Variants in TENM4 observed in about 807,000 individuals in gnomAD.
TENM4 encodes teneurin transmembrane protein 4, also known as teneurin-4.
In TENM4, 82 loss-of-function variants were observed where a neutral mutation model predicts 243.3. That is an observed-to-expected ratio of 0.34 (90% CI 0.28 to 0.40). The LOEUF is 0.40. Among genes scored for constraint, TENM4 ranks in the 10% least tolerant of loss-of-function variants. TENM4 has a pLI of 1.00. For synonymous variants in TENM4, 1,412 were observed against 1,456.3 expected, an observed-to-expected ratio of 0.97 and a Z score of 0.69; for missense variants, 3,138 against 3,673.3, an observed-to-expected ratio of 0.85 and a Z score of 3.77.
chr11:78,769,329 TA>T (rs1194349109), intron 18 of TENM4, among the ~76,000 whole-genome samples: 1 of 152,200 alleles, frequency 6.6e-6, no homozygotes, highest in East Asian at 1.9e-4. Context: ...GCTTGGCCCA[TA>T]ATGATGTCTC....
intron 1 of TENM4, among the ~76,000 whole-genome samples, chr11:79,409,091 TGTGTGTGTGTGCGC>T (rs745575737): frequency 1.4e-3 from 169 of 117,042 alleles, no homozygotes; most frequent in South Asian, 3.6e-3. Context: ...TGTGTGTGTG[TGTGTGTGTGTGCGC>T]GCGCGCGCGT....
intron 2 of TENM4, among the ~76,000 whole-genome samples, chr11:79,291,750 C>A (rs1590856360): frequency 6.6e-6 from 1 of 152,176 alleles, no homozygotes; most frequent in East Asian, 1.9e-4. Flanking sequence ...CTGGTTCCAC[C>A]CAAAGACAAG....
chr11:78,830,759 A>C (rs1857962856), intron 12 of TENM4, among the ~76,000 whole-genome samples: 1 of 152,194 alleles, frequency 6.6e-6, no homozygotes, highest in South Asian at 2.1e-4. Context: ...AGCCGCCAGG[A>C]CAGTAAATTA....
At chr11:78,864,928 G>C (rs907715641) in intron 9 of TENM4, among the ~76,000 whole-genome samples, 1 of 152,140 alleles carries the variant, frequency 6.6e-6, no homozygotes, top group South Asian at 2.1e-4. Context: ...CCTAGAGGAG[G>C]GGGTGCCTGA....
chr11:78,944,429 CCTTA>C (rs373265615), intron 6 of TENM4, among the ~76,000 whole-genome samples: 51 of 152,322 alleles, frequency 3.3e-4, no homozygotes, highest in Middle Eastern at 6.8e-3. Context: ...GAAGGAGCTG[CCTTA>C]CTTTGAAACA....
intron 1 of TENM4, among the ~76,000 whole-genome samples, chr11:79,301,168 TTA>T (rs1428884391): frequency 6.6e-6 from 1 of 152,206 alleles, no homozygotes; most frequent in Non-Finnish European, 1.5e-5. Context: ...GCAAATTGGG[TTA>T]TCTTTTCTGC....
chr11:78,997,432 A>G (rs1858203281), intron 6 of TENM4, among the ~76,000 whole-genome samples: 1 of 152,222 alleles, frequency 6.6e-6, no homozygotes. Context: ...CCATTCAACA[A>G]AGAAAGTTGG....
chr11:79,032,492 C>T (rs1480384100), intron 6 of TENM4, among the ~76,000 whole-genome samples: 2 of 152,134 alleles, frequency 1.3e-5, no homozygotes, highest in African/African-American at 4.8e-5. Context: ...TGAGAAAGAG[C>T]CTCTGGTGAT....
intron 2 of TENM4, among the ~76,000 whole-genome samples, chr11:79,263,443 G>A (rs553814980): frequency 1.3e-5 from 2 of 152,322 alleles, no homozygotes; most frequent in Admixed American, 6.5e-5. Flanking sequence ...ATTCAAATGA[G>A]TTTCTTTATT....
Position 79,033,617 on chromosome 11 carries a change from TG to T in TENM4, c.493+31120del, listed in dbSNP as rs554451673. ...TGCACCATAAACAGTCTCTTTCCAG[TG>T]GGTCAATAAAACCTGATGATGCCTA... On this transcript the variant is annotated intron_variant, in intron 6 of 33. Coordinates refer to ENST00000278550, the MANE Select transcript of TENM4 (RefSeq NM_001098816.3). Among the ~76,000 whole-genome samples, 10 of 152,340 alleles carry T rather than the reference TG, an allele frequency of 6.6e-5. No individual in the cohort carries two copies. The South Asian group carries it at 2.1e-3, about 32-fold the overall frequency.
chr11:79,413,432 T>C (rs1858744722), intron 1 of TENM4, among the ~76,000 whole-genome samples: 1 of 152,200 alleles, frequency 6.6e-6, no homozygotes, highest in African/African-American at 2.4e-5. Context: ...CCCGCCTCCC[T>C]GGCACGCTCC....
chr11:78,711,958 G>A (rs569070687), intron 26 of TENM4, among the ~76,000 whole-genome samples: 3 of 152,126 alleles, frequency 2.0e-5, no homozygotes, highest in Non-Finnish European at 4.4e-5. Flanking sequence ...TTGTGATTGT[G>A]GGCATTTAGA....
chr11:79,141,733 T>A (rs1007162420), intron 4 of TENM4, among the ~76,000 whole-genome samples: 1 of 151,884 alleles, frequency 6.6e-6, no homozygotes, highest in African/African-American at 2.4e-5. Flanking sequence ...ATATGATTGA[T>A]GAACATCAAT....
intron 3 of TENM4, among the ~76,000 whole-genome samples, chr11:79,162,677 C>T (rs942449703): frequency 4.6e-5 from 7 of 152,280 alleles, no homozygotes; most frequent in African/African-American, 1.7e-4. Flanking sequence ...GCCTTCGAGT[C>T]CTCCTCCACA....
chr11:78,811,132 A>G (rs1857491292), intron 14 of TENM4, among the ~76,000 whole-genome samples: 1 of 152,330 alleles, frequency 6.6e-6, no homozygotes, highest in East Asian at 1.9e-4. Flanking sequence ...CCTCAGAGGA[A>G]GCCATTCCCA....
In TENM4 at chr11:78,670,114, G is replaced by C. The variant is rs1446439266; in HGVS notation, c.6231C>G (p.Val2077=). 2.5e-6 allele frequency: 4 copies of C among 1,613,982 alleles called. No homozygotes were observed. In the South Asian group the frequency reaches 4.4e-5, roughly 18 times the overall value. ...QIFRFTEEGM[V]NARFDYNYDN... ...CATAGTTGTAGTCAAAACGGGCGTT[G>C]ACCATGCCTTCCTCAGTGAAGCGGA... The change falls in exon 32 of 34, where the codon GTC becomes GTG. Residue 2077 remains valine, a synonymous_variant. Coordinates refer to ENST00000278550, the MANE Select transcript of TENM4 (RefSeq NM_001098816.3).
At chr11:78,927,673 A>G (rs534803348) in intron 6 of TENM4, among the ~76,000 whole-genome samples, 13 of 152,188 alleles carry the variant, frequency 8.5e-5, no homozygotes, top group Non-Finnish European at 1.5e-4. Flanking sequence ...CACCTGTGTT[A>G]AGGCAAAGGG....
chr11:78,946,362 T>C (rs1052993203), intron 6 of TENM4, among the ~76,000 whole-genome samples: 1 of 152,262 alleles, frequency 6.6e-6, no homozygotes. Flanking sequence ...CATGGTTTAC[T>C]GAATGTTTTA....
chr11:79,285,321 C>A (rs10450657), intron 2 of TENM4, among the ~76,000 whole-genome samples: 12,577 of 151,688 alleles, frequency 0.083, 1,072 homozygotes, highest in African/African-American at 0.21. Context: ...CAATAACATA[C>A]CACTTCAAAC....
Sources: gnomAD v4.1 joint callset for allele counts (sites outside exome capture counted in the v4.1 genomes callset) on GRCh38, gnomAD v4.1.1 for gene constraint, MANE v1.5 for transcripts, NCBI Gene and HGNC (gene_info 2026-07-23, HGNC 2026-07-21) for gene names.